BANP: variants seen among roughly 807,000 people sequenced by gnomAD.
BANP encodes the protein BTG3 associated nuclear protein, also known as protein BANP.
Under a neutral mutation model 68.1 loss-of-function variants are expected in BANP, and 11 were observed. The ratio of observed to expected loss-of-function variants is 0.16; its 90% confidence interval spans 0.10 to 0.27. The LOEUF is 0.27. BANP is among the 10% of genes least tolerant of loss of function. BANP has a pLI of 1.00. For missense variants in BANP, 504 were observed against 722.7 expected, an observed-to-expected ratio of 0.70 and a Z score of 3.47; for synonymous variants, 329 against 303.2, an observed-to-expected ratio of 1.09 and a Z score of -0.88.
At chr16:88,015,829 G>C (rs1313841602) in intron 6 of BANP, among the ~76,000 whole-genome samples, 1 of 152,272 alleles carries the variant, frequency 6.6e-6, no homozygotes. Flanking sequence ...CTGTACCGGT[G>C]CTGCCAGGAG....
chr16:87,960,845 T>C (rs185050720), intron 1 of BANP, among the ~76,000 whole-genome samples: 1,941 of 152,362 alleles, frequency 0.013, 49 homozygotes, highest in African/African-American at 0.045. Context: ...GAAGTTAGCC[T>C]CTCACCTCAA....
intron 6 of BANP, among the ~76,000 whole-genome samples, chr16:88,008,513 G>C (rs556795010): frequency 3.3e-5 from 5 of 152,284 alleles, no homozygotes; most frequent in African/African-American, 1.2e-4. Context: ...TTGTTTGATT[G>C]AAACTGTGTT....
intron 11 of BANP, among the ~76,000 whole-genome samples, chr16:88,049,733 C>T (rs1242482496): frequency 6.6e-6 from 1 of 152,096 alleles, no homozygotes; most frequent in East Asian, 1.9e-4. Flanking sequence ...GGTGGAGTCA[C>T]GGGGGAGATG....
chr16:88,074,339 C>G (rs1196390439), intron 13 of BANP, among the ~76,000 whole-genome samples: 1 of 152,124 alleles, frequency 6.6e-6, no homozygotes. Context: ...AGATGGGTTC[C>G]CTTAGGAGGG....
chr16:88,011,205 G>A (rs547013848), intron 6 of BANP, among the ~76,000 whole-genome samples: 3 of 152,252 alleles, frequency 2.0e-5, no homozygotes, highest in Admixed American at 6.5e-5. Context: ...CCTGTGCCCC[G>A]GGATGGAGGT....
rs1279196807 is a variant in BANP at position 88,072,207 on chromosome 16, G to A, written c.1516G>A (p.Ala506Thr). The A allele has an allele frequency of 1.2e-6, 2 of 1,609,374 alleles. No homozygotes were observed. Among genetic ancestry groups the A allele is most frequent in the South Asian group, 1.1e-5 (1 of 90,858 alleles). Residue 506 changes from alanine (A) to threonine (T), a missense_variant, in exon 13 of 14, where the codon GCA (alanine) becomes ACA (threonine). Physicochemically the swap from Ala to Thr is moderately conservative, Grantham distance 58. Transcript: ENST00000682872. Reference sequence around the variant, plus strand: ...GCCAGTGAGTGACCACACGGCCGGGGCACAGGTGAGTCTGGGGCCCCGCGC... The same window carrying A: ...GCCAGTGAGTGACCACACGGCCGGGACACAGGTGAGTCTGGGGCCCCGCGC... Reference protein sequence around the residue: ...LAPVSDHTAGAQTAEALQPTL... With the variant: ...LAPVSDHTAGTQTAEALQPTL...
rs1243782102 is a variant in BANP at position 88,029,758 on chromosome 16, A to T, written c.1063+2108A>T. Among the ~76,000 whole-genome samples the T allele has an allele frequency of 2.0e-5, 3 of 152,346 alleles. No individual in the cohort carries two copies. In the East Asian group the frequency reaches 5.8e-4, roughly 29 times the overall value. ...GACGTTAGACAAGCAACAGCACAGG[A>T]CCGTGATCCTGAGAGAAGGAACATG... On this transcript the variant is annotated intron_variant, in intron 8 of 13. Transcript: ENST00000682872.
Position 87,961,411 on chromosome 16 carries a change from C to CCA in BANP, c.-69+9897_-69+9898insAC, listed in dbSNP as rs1555533471. On this transcript the variant is annotated intron_variant, in intron 1 of 13. Coordinates refer to ENST00000682872, the MANE Select transcript of BANP (RefSeq NM_001386991.1). ...ACTCCTGGACTCACAGAATCTGCACCCCCCCGGGCCTCCCAAAGTGCTGGG... is the reference window on the plus strand; with the variant it reads ...ACTCCTGGACTCACAGAATCTGCACCCACCCCCGGGCCTCCCAAAGTGCTGGG... 3.3e-3 allele frequency among the ~76,000 whole-genome samples: 474 copies of CCA among 141,644 alleles called. 28 individuals are homozygous for CCA. The highest frequency in any genetic ancestry group is 0.012 in the African/African-American group (456 of 39,490). 92.9% of individuals were successfully genotyped at this position (141,644 alleles called of 152,430 possible).
intron 12 of BANP, among the ~76,000 whole-genome samples, chr16:88,068,072 C>A (rs2089252917): frequency 6.6e-6 from 1 of 152,244 alleles, no homozygotes; most frequent in African/African-American, 2.4e-5. Flanking sequence ...TGGCCACGCA[C>A]TTCGTTTCCA....
chr16:87,983,063 T>C (rs11646226), intron 3 of BANP, among the ~76,000 whole-genome samples: 99,936 of 151,104 alleles, frequency 0.66, 33,761 homozygotes, highest in African/African-American at 0.76. Flanking sequence ...CCCTGCTGTC[T>C]CGAGCCTACC....
At chr16:88,041,071 C>T (rs563944990) in intron 11 of BANP, among the ~76,000 whole-genome samples, 40 of 152,320 alleles carry the variant, frequency 2.6e-4, no homozygotes, top group African/African-American at 8.9e-4. Context: ...CCTGTGCCCC[C>T]ACATCCTGCA....
chr16:88,075,881 G>T (rs1274914734), intron 13 of BANP, among the ~76,000 whole-genome samples: 1 of 151,482 alleles, frequency 6.6e-6, no homozygotes, highest in African/African-American at 2.4e-5. Context: ...CTAGCAGCTG[G>T]GACTACAGGT....
chr16:87,974,884 A>G (rs989506067), intron 1 of BANP, among the ~76,000 whole-genome samples, 164 bp from the exon 2 acceptor site: 8 of 152,204 alleles, frequency 5.3e-5, no homozygotes, highest in African/African-American at 1.9e-4. Context: ...GTTAATTTTC[A>G]AAGAAACTAA....
Position 88,004,536 on chromosome 16 carries a change from G to C in BANP, c.479+125G>C. On this transcript the variant is annotated intron_variant, in intron 5 of 13. Coordinates refer to ENST00000682872, the MANE Select transcript of BANP (RefSeq NM_001386991.1). This position sits in a 1 kb window ranked among gnomAD's most constrained non-coding sequence, Gnocchi z 7.0. Reference sequence around the variant, plus strand: ...TTCATCTCTGTGGTCACAGGGTTGAGCCTGGCAGGCACCGCCCCAGCTCTC... The same window carrying C: ...TTCATCTCTGTGGTCACAGGGTTGACCCTGGCAGGCACCGCCCCAGCTCTC... 3.2e-6 allele frequency: 2 copies of C among 618,532 alleles called. No individual in the cohort carries two copies. Among genetic ancestry groups the C allele is most frequent in the Non-Finnish European group, 5.5e-6 (2 of 363,108 alleles). The allele number at this position is 618,532 out of a possible 1,614,324, so 38.3% of individuals were successfully genotyped here. A position where few individuals can be genotyped will look rare whatever the true frequency, so the allele number is the denominator to read the frequency against.
intron 4 of BANP, among the ~76,000 whole-genome samples, chr16:87,996,338 CG>C (rs1227199550): frequency 6.6e-6 from 1 of 152,236 alleles, no homozygotes; most frequent in Non-Finnish European, 1.5e-5. Flanking sequence ...CGAGGGTTCT[CG>C]GGTTCTGCTC....
At chr16:87,968,263 C>T (rs2060457552) in intron 1 of BANP, among the ~76,000 whole-genome samples, 3 of 151,532 alleles carry the variant, frequency 2.0e-5, no homozygotes, top group African/African-American at 7.3e-5. Flanking sequence ...GTGGGTGGAT[C>T]ACCTGAGGCC....
intron 5 of BANP, among the ~76,000 whole-genome samples, chr16:88,005,465 T>A (rs1011485070): frequency 6.6e-6 from 1 of 152,210 alleles, no homozygotes; most frequent in Non-Finnish European, 1.5e-5. Flanking sequence ...AAAAGGGAAG[T>A]AGTAAGTCTC....
intron 3 of BANP, among the ~76,000 whole-genome samples, chr16:87,981,353 G>A (rs1166126126): frequency 2.6e-5 from 4 of 152,212 alleles, no homozygotes; most frequent in African/African-American, 9.7e-5. Flanking sequence ...GCCTCAGCTT[G>A]TGGGGCTCCT....
chr16:88,045,830 G>A (rs1243912043), intron 11 of BANP, among the ~76,000 whole-genome samples: 2 of 151,932 alleles, frequency 1.3e-5, no homozygotes, highest in South Asian at 2.1e-4. Context: ...GTCTCAGGGC[G>A]GCCGCTCCCT....
Sources: gnomAD v4.1 joint callset for allele counts (sites outside exome capture counted in the v4.1 genomes callset) on GRCh38, gnomAD v4.1.1 for gene constraint, Gnocchi (gnomAD v3.1) non-coding constraint, MANE v1.5 for transcripts, NCBI Gene and HGNC (gene_info 2026-07-23, HGNC 2026-07-21) for gene names.